Variants in PLA2R1 observed in about 807,000 individuals in gnomAD.
PLA2R1 encodes phospholipase A2 receptor 1.
PLA2R1 carries 158 observed loss-of-function variants against 195.9 expected under a neutral mutation model. The ratio of observed to expected loss-of-function variants is 0.81; its 90% CI spans 0.71 to 0.92. The LOEUF (loss-of-function observed/expected upper bound fraction) is 0.92, where lower values mean the gene tolerates loss of function less well. Ranked by LOEUF, PLA2R1 falls within the 40% of genes least tolerant of loss-of-function variation. PLA2R1 has a pLI of 0.00. For synonymous variants in PLA2R1, 586 were observed against 598.2 expected (o/e 0.98, Z 0.30); for missense variants, 1,626 against 1,764.6 (o/e 0.92, Z 1.41).
intron 3 of PLA2R1, among the ~76,000 whole-genome samples, chr2:160,036,937 A>G (rs1270454533): frequency 2.0e-5 from 3 of 152,082 alleles, no homozygotes; most frequent in African/African-American, 7.2e-5. Flanking sequence ...TCTTTGTTAT[A>G]CCATTGTAGT....
chr2:160,062,008 C>A lies in PLA2R1; in HGVS notation c.109+287G>T, dbSNP rs1242523013. Among the ~76,000 whole-genome samples the A allele has an allele frequency of 8.9e-4, 136 of 152,240 alleles. 1 individual carries two copies. Among genetic ancestry groups the A allele is most frequent in the Non-Finnish European group, 7.4e-5 (5 of 67,988 alleles). On this transcript the variant is annotated intron_variant, in intron 1 of 29. Coordinates refer to ENST00000283243, the MANE Select transcript of PLA2R1 (RefSeq NM_007366.5). The stretch of plus-strand genomic sequence containing the variant: ...CCGGGCTGGCTCCGGGCGCCAGAGC[C>A]GAGAGGAGTTACCTGCGAGACCAAG...
chr2:160,055,851 T>C (rs1167213306), intron 1 of PLA2R1, among the ~76,000 whole-genome samples: 1 of 152,232 alleles, frequency 6.6e-6, no homozygotes, highest in African/African-American at 2.4e-5. Context: ...GGGGCATTTT[T>C]ACCTTTGTAT....
intron 10 of PLA2R1, among the ~76,000 whole-genome samples, chr2:160,008,211 C>T (rs548959284): frequency 6.6e-5 from 10 of 152,158 alleles, no homozygotes; most frequent in East Asian, 1.9e-4. Context: ...GAGGTCGAGG[C>T]GGGAGGATGG....
In PLA2R1 at chr2:159,933,224, T is replaced by C. The variant is rs529294000; in HGVS notation, c.*8554A>G. ...AATTCTGAGTAAAGAAGGTCACCGG[T>C]ATACATAGGGTTCATTTTGTGGTTT... On this transcript the variant is annotated 3_prime_UTR_variant, in exon 30 of 30. Transcript: ENST00000283243. 29 of 152,322 alleles carry C rather than the reference T, an allele frequency of 1.9e-4. 1 individual carries two copies. The South Asian group carries it at 2.9e-3, about 15-fold the overall frequency. The allele number at this position is 152,322 out of a possible 1,614,324, so 9.4% of individuals were successfully genotyped here. A position where few individuals can be genotyped will look rare whatever the true frequency, so the allele number is the denominator to read the frequency against.
chr2:160,052,326 A>C (rs989006920), intron 1 of PLA2R1, among the ~76,000 whole-genome samples: 1 of 151,780 alleles, frequency 6.6e-6, no homozygotes, highest in Non-Finnish European at 1.5e-5. Context: ...TGTCCTTGCC[A>C]CTCCCTGGCC....
chr2:160,045,240 G>C (rs1694787002), intron 1 of PLA2R1, 83 bp from the exon 2 acceptor site: 2 of 1,075,344 alleles, frequency 1.9e-6, no homozygotes, highest in African/African-American at 3.2e-5. Flanking sequence ...GCATATCTAA[G>C]TGCGATATGC....
chr2:159,953,713 CA>C (rs1687908728), intron 23 of PLA2R1, among the ~76,000 whole-genome samples: 1 of 152,174 alleles, frequency 6.6e-6, no homozygotes, highest in Non-Finnish European at 1.5e-5. Context: ...CTGTTAGTCC[CA>C]AAAATACCAA....
At chr2:159,977,907 G>A (rs1419761644) in intron 14 of PLA2R1, among the ~76,000 whole-genome samples, 1 of 151,912 alleles carries the variant, frequency 6.6e-6, no homozygotes, top group Non-Finnish European at 1.5e-5. Flanking sequence ...TCCAGCCTGG[G>A]TGACAGAGCA....
At chr2:159,954,566 C>T (rs1158973876) in intron 23 of PLA2R1, among the ~76,000 whole-genome samples, 2 of 151,702 alleles carry the variant, frequency 1.3e-5, no homozygotes, top group Admixed American at 6.6e-5. Flanking sequence ...TTCCATACAG[C>T]TCTAGACACC....
chr2:159,974,913 C>T (rs1314693864), intron 17 of PLA2R1, among the ~76,000 whole-genome samples: 1 of 152,098 alleles, frequency 6.6e-6, no homozygotes, highest in East Asian at 1.9e-4. Flanking sequence ...ATTTCTTTCT[C>T]AAGCCTAGGA....
chr2:159,982,584 C>A (rs922519607), intron 13 of PLA2R1, among the ~76,000 whole-genome samples: 5 of 152,212 alleles, frequency 3.3e-5, no homozygotes, highest in Non-Finnish European at 7.3e-5. Context: ...ACCATAAAAT[C>A]TCCTTCCTCC....
intron 1 of PLA2R1, among the ~76,000 whole-genome samples, chr2:160,047,551 A>C (rs1430166688): frequency 6.6e-6 from 1 of 152,204 alleles, no homozygotes; most frequent in African/African-American, 2.4e-5. Context: ...CTGAGACACC[A>C]CGCTATCATC....
chr2:160,041,154 G>A (rs923499115), intron 3 of PLA2R1, among the ~76,000 whole-genome samples: 12 of 152,158 alleles, frequency 7.9e-5, no homozygotes, highest in Non-Finnish European at 1.6e-4. Context: ...TACTTTATAA[G>A]TCAGATTCTT....
intron 20 of PLA2R1, among the ~76,000 whole-genome samples, chr2:159,959,319 C>G (rs907004813): frequency 2.0e-5 from 3 of 152,118 alleles, no homozygotes; most frequent in African/African-American, 7.2e-5. Flanking sequence ...AAAACATCTC[C>G]TCTGCTTCCT....
At chr2:160,020,590 C>T (rs2105466277) in intron 7 of PLA2R1, among the ~76,000 whole-genome samples, 1 of 152,172 alleles carries the variant, frequency 6.6e-6, no homozygotes, top group South Asian at 2.1e-4. Flanking sequence ...TTAACTAGTT[C>T]TCATGGGAAT....
At chr2:160,046,097 C>T (rs1471320884) in intron 1 of PLA2R1, among the ~76,000 whole-genome samples, 4 of 152,334 alleles carry the variant, frequency 2.6e-5, no homozygotes, top group Middle Eastern at 3.4e-3. Flanking sequence ...CAGTTATGAA[C>T]TTGTTTTCTC....
chr2:160,015,038 G>T (rs1449753164), intron 9 of PLA2R1, among the ~76,000 whole-genome samples: 1 of 152,094 alleles, frequency 6.6e-6, no homozygotes, highest in Non-Finnish European at 1.5e-5. Context: ...TCAAGAAAAG[G>T]GAGGGAAAAA....
intron 16 of PLA2R1, 34 bp downstream of exon 16, chr2:159,976,651 T>C: frequency 7.3e-7 from 1 of 1,379,152 alleles, no homozygotes; most frequent in Non-Finnish European, 1.0e-6. Flanking sequence ...ATATTAATAA[T>C]TAGAAATTCA....
rs1689578570 is a variant in PLA2R1, at chr2:159,976,667, T to G, written c.2437+18A>C. Reference sequence around the variant, plus strand: ...TATTAATAATTAGAAATTCAAGAGCTGCCAGAGTCATTCTTACCGTACTGG... The same window carrying G: ...TATTAATAATTAGAAATTCAAGAGCGGCCAGAGTCATTCTTACCGTACTGG... On this transcript the variant is annotated intron_variant, in intron 16 of 29. Transcript: ENST00000283243. 6.5e-7 allele frequency: 1 copy of G among 1,534,864 alleles called. No individual in the cohort carries two copies. Among genetic ancestry groups the G allele is most frequent in the African/African-American group, 1.4e-5 (1 of 73,432 alleles).
Sources: allele counts gnomAD v4.1 joint callset (sites outside exome capture counted in the v4.1 genomes callset), GRCh38; gene constraint gnomAD v4.1.1; transcripts MANE v1.5; gene names NCBI Gene and HGNC (gene_info 2026-07-23, HGNC 2026-07-21).